The following FAM162A variants were observed in gnomAD, a reference collection of about 807,000 sequenced individuals.
FAM162A encodes protein FAM162A.
A neutral mutation model predicts 21.8 loss-of-function variants in FAM162A; 23 were observed. That is an observed-to-expected ratio of 1.05 (90% CI 0.76 to 1.49). The LOEUF is 1.49. FAM162A is among the 40% of genes most tolerant of loss of function. FAM162A has a pLI of 0.00. For missense variants in FAM162A, 165 were observed against 186.4 expected, an observed-to-expected ratio of 0.89 and a Z score of 0.67; for synonymous variants, 53 against 61.3, an observed-to-expected ratio of 0.86 and a Z score of 0.64.
chr3:122,400,832 CAA>C (rs777341009), intron 1 of FAM162A, among the ~76,000 whole-genome samples: 1 of 132,708 alleles, frequency 7.5e-6, no homozygotes. Flanking sequence ...CATCTCAAAA[CAA>C]AAAAAAAAAG....
intron 4 of FAM162A, 159 bp downstream of exon 4, chr3:122,407,548 A>C: frequency 1.8e-6 from 1 of 547,568 alleles, no homozygotes; most frequent in Non-Finnish European, 3.3e-6. Flanking sequence ...ATTGGGAACA[A>C]GCCTGGAATA....
chr3:122,385,064 C>T (rs576536843), intron 1 of FAM162A, among the ~76,000 whole-genome samples: 74 of 152,008 alleles, frequency 4.9e-4, no homozygotes, highest in Middle Eastern at 6.8e-3. Context: ...TACCAGAGAT[C>T]TTTTGTTCAA....
Position 122,384,189 on chromosome 3 carries a change from C to T in FAM162A, c.-77C>T, listed in dbSNP as rs1040780246. 10 of 1,539,304 alleles carry T rather than the reference C, an allele frequency of 6.5e-6. No individual in the cohort carries two copies. Among genetic ancestry groups the T allele is most frequent in the Admixed American group, 3.9e-5 (2 of 50,958 alleles). On this transcript the variant is annotated 5_prime_UTR_variant, in exon 1 of 5. In the 5' UTR this introduces an upstream ATG that the reference lacks. Coordinates refer to ENST00000477892, the MANE Select transcript of FAM162A (RefSeq NM_014367.4). ...GCCGCCTGCGTCCTTCCCACTCCAA[C>T]GCTGGGTGACATTGAGCTCACCAGC... is the stretch of plus-strand genomic sequence containing the variant.
intron 1 of FAM162A, 30 bp downstream of exon 1, chr3:122,384,329 G>A: frequency 6.4e-7 from 1 of 1,566,196 alleles, no homozygotes; most frequent in Non-Finnish European, 8.7e-7. Flanking sequence ...ATGGGAGGTA[G>A]GGGAGCTGGC....
At position 122,388,756 on chromosome 3, in the gene FAM162A, A is replaced by G. The variant is rs1576246285; in HGVS notation, c.34+4457A>G. The stretch of plus-strand genomic sequence containing the variant: ...AAGGGCTAATGATGAGAATCTAAAA[A>G]AATGTATTCATGACCGGGCACGGTG... On this transcript the variant is annotated intron_variant, in intron 1 of 4. Transcript: ENST00000477892. 2.0e-5 allele frequency among the ~76,000 whole-genome samples: 3 copies of G among 152,178 alleles called. No homozygotes were observed. The East Asian group carries it at 5.8e-4, about 29-fold the overall frequency.
chr3:122,399,134 C>G (rs958399622), intron 1 of FAM162A, among the ~76,000 whole-genome samples: 1 of 152,052 alleles, frequency 6.6e-6, no homozygotes, highest in African/African-American at 2.4e-5. Context: ...TTCTGTTTGT[C>G]CATGTGTTCT....
At position 122,404,327 on chromosome 3, in the gene FAM162A, G is replaced by A. The variant is rs149572114; in HGVS notation, c.227G>A (p.Arg76His). The A allele has an allele frequency of 1.1e-5, 18 of 1,605,152 alleles. No individual in the cohort carries two copies. The highest frequency in any genetic ancestry group is 1.7e-4 in the Middle Eastern group (1 of 6,046). ...WQKKILIWSGRFKKEDEIPET... is the reference protein window; with the variant it reads ...WQKKILIWSGHFKKEDEIPET... ...AAAAAGATCCTCATATGGTCAGGTC[G>A]CTTCAAAAAGGAAGATGAAATCCCA... Residue 76 changes from arginine to histidine, a missense_variant, in exon 3 of 5, where the codon CGC becomes CAC. Arg to His is a conservative substitution (Grantham distance 29, BLOSUM62 0). Transcript: ENST00000477892.
intron 1 of FAM162A, among the ~76,000 whole-genome samples, chr3:122,400,014 G>A (rs1196083980): frequency 6.6e-6 from 1 of 152,184 alleles, no homozygotes. Flanking sequence ...TGAAGCAGGA[G>A]AATCGCTTGT....
At chr3:122,392,897 A>G (rs2075610463) in intron 1 of FAM162A, among the ~76,000 whole-genome samples, 1 of 143,494 alleles carries the variant, frequency 7.0e-6, no homozygotes, top group South Asian at 2.1e-4. Context: ...TTTACATAAT[A>G]TTTCAAAAAA....
chr3:122,390,959 G>A (rs2075601725), intron 1 of FAM162A, among the ~76,000 whole-genome samples: 1 of 152,148 alleles, frequency 6.6e-6, no homozygotes, highest in South Asian at 2.1e-4. Flanking sequence ...GAGGGTTAAA[G>A]GGCTGTTTTT....
At chr3:122,390,135 T>TA (rs146565256) in intron 1 of FAM162A, among the ~76,000 whole-genome samples, 43 of 146,506 alleles carry the variant, frequency 2.9e-4, no homozygotes, top group South Asian at 4.3e-4. Context: ...ACCTTGTCTC[T>TA]AAAAAAAAAA....
intron 1 of FAM162A, chr3:122,401,628 A>T: frequency 1.1e-6 from 1 of 917,024 alleles, no homozygotes; most frequent in Non-Finnish European, 1.4e-6. Context: ...TGATTAAAAT[A>T]GTATATATCT....
chr3:122,402,614 A>G lies in FAM162A; in HGVS notation c.35-146A>G, dbSNP rs181619198. On this transcript the variant is annotated intron_variant, in intron 1 of 4. Transcript: ENST00000477892. ...GCATCAAGCATAGCACTTTAAATAT[A>G]CTATGTGTATCTTACATATAGTAAA... 8.7e-6 allele frequency: 5 copies of G among 576,438 alleles called. No individual in the cohort carries two copies. In the African/African-American group the frequency reaches 9.7e-5, roughly 11 times the overall value. The allele number at this position is 576,438 out of a possible 1,614,324, so 35.7% of individuals were successfully genotyped here. A position where few individuals can be genotyped will look rare whatever the true frequency, so the allele number is the denominator to read the frequency against.
Position 122,409,971 on chromosome 3 carries a change from T to C in FAM162A, c.*140T>C. ...CTGTACCATTTCCGTATTTCTGCTG[T>C]AGAAGTAGAAATAAATTTTCTTAAA... On this transcript the variant is annotated 3_prime_UTR_variant, in exon 5 of 5. Transcript: ENST00000477892. The C allele has an allele frequency of 2.6e-6, 2 of 755,284 alleles. No homozygotes were observed. The highest frequency in any genetic ancestry group is 4.7e-6 in the Non-Finnish European group (2 of 427,828). The allele number at this position is 755,284 out of a possible 1,614,324, so 46.8% of individuals were successfully genotyped here.
intron 1 of FAM162A, among the ~76,000 whole-genome samples, chr3:122,391,121 G>A (rs546440957): frequency 1.3e-5 from 2 of 152,250 alleles, no homozygotes; most frequent in Admixed American, 1.3e-4. Context: ...TGTTATAATT[G>A]CAAAATAAAA....
At chr3:122,392,913 AAACTT>A (rs2075610625) in intron 1 of FAM162A, among the ~76,000 whole-genome samples, 1 of 152,174 alleles carries the variant, frequency 6.6e-6, no homozygotes. Flanking sequence ...AAAAAAAAAT[AAACTT>A]AACAGTTAGA....
At chr3:122,408,929 G>C (rs893544496) in intron 4 of FAM162A, among the ~76,000 whole-genome samples, 1 of 152,092 alleles carries the variant, frequency 6.6e-6, no homozygotes, top group Non-Finnish European at 1.5e-5. Flanking sequence ...CTGGAATGGA[G>C]AACTTTTGAA....
intron 1 of FAM162A, among the ~76,000 whole-genome samples, chr3:122,395,614 A>G (rs532771610): frequency 3.9e-5 from 6 of 152,324 alleles, no homozygotes; most frequent in Admixed American, 6.5e-5. Flanking sequence ...GAATTCCTCA[A>G]ATTGATCTAT....
chr3:122,391,894 C>T (rs1217953206), intron 1 of FAM162A, among the ~76,000 whole-genome samples: 20 of 152,228 alleles, frequency 1.3e-4, no homozygotes. Flanking sequence ...CAAACACATA[C>T]TTCATGTCCC....
Sources: gnomAD v4.1 joint callset for allele counts (sites outside exome capture counted in the v4.1 genomes callset) on GRCh38, gnomAD v4.1.1 for gene constraint, MANE v1.5 for transcripts, NCBI Gene and HGNC (gene_info 2026-07-23, HGNC 2026-07-21) for gene names.